The following MEGF6 variants were observed in gnomAD, a reference collection of about 807,000 sequenced individuals.
The protein encoded by MEGF6 is multiple epidermal growth factor-like domains protein 6.
In MEGF6, 184 loss-of-function variants were observed where a neutral mutation model predicts 207.1. The observed-to-expected ratio is 0.89, with a 90% CI of 0.79 to 1.00. The LOEUF (loss-of-function observed/expected upper bound fraction) is 1.00, where lower values mean the gene tolerates loss of function less well. MEGF6 is among the 50% of genes least tolerant of loss of function. The pLI is 0.00. For synonymous variants in MEGF6, 1,038 were observed against 910.0 expected (o/e 1.14, Z -2.53); for missense variants, 2,282 against 2,202.9 (o/e 1.04, Z -0.72).
chr1:3,585,509 TGTGA>T lies in MEGF6; in HGVS notation c.377-5584_377-5581del, dbSNP rs570190455. Among the ~76,000 whole-genome samples, 132 of 141,700 alleles carry T rather than the reference TGTGA, an allele frequency of 9.3e-4. 1 individual carries two copies. In the Middle Eastern group the frequency reaches 0.014, roughly 15 times the overall value. The allele number at this position is 141,700 out of a possible 152,430, so 93.0% of individuals were successfully genotyped here. On this transcript the variant is annotated intron_variant, in intron 3 of 36. Transcript: ENST00000356575. ...TGAGGACACTTGTCCTGTGTGTGGG[TGTGA>T]GTGACACATGTCCTGTTGTGGGTGT... is the stretch of plus-strand genomic sequence containing the variant.
rs546176815 is a variant in MEGF6 at position 3,576,353 on chromosome 1, A to G, written c.481+3472T>C. The stretch of plus-strand genomic sequence containing the variant: ...AGAGCTGGGGCTGTGGGCAGCAGGG[A>G]GGGCTCCTTCCCCCCACTGCCCTCC... On this transcript the variant is annotated intron_variant, in intron 4 of 36. Transcript: ENST00000356575. Among the ~76,000 whole-genome samples the G allele has an allele frequency of 2.5e-3, 382 of 152,290 alleles. 2 individuals carry two copies. The highest frequency in any genetic ancestry group is 4.1e-3 in the Non-Finnish European group (279 of 68,006).
chr1:3,544,283 G>A (rs1570103100), intron 4 of MEGF6, among the ~76,000 whole-genome samples: 1 of 152,046 alleles, frequency 6.6e-6, no homozygotes, highest in Non-Finnish European at 1.5e-5. Context: ...CAGCATCACA[G>A]CAGCCAGCCT....
intron 2 of MEGF6, among the ~76,000 whole-genome samples, 176 bp downstream of exon 2, chr1:3,602,290 C>T (rs1644172500): frequency 6.6e-6 from 1 of 152,234 alleles, no homozygotes; most frequent in Non-Finnish European, 1.5e-5. Flanking sequence ...AGCCCCATGG[C>T]AGACCCACCC....
At chr1:3,572,141 G>T (rs1643517918) in intron 4 of MEGF6, among the ~76,000 whole-genome samples, 1 of 140,172 alleles carries the variant, frequency 7.1e-6, no homozygotes, top group Non-Finnish European at 1.5e-5. Flanking sequence ...TCCCAGCTAT[G>T]CTGGGTTCTC....
At chr1:3,504,752 G>C (rs1352202872) in intron 17 of MEGF6, among the ~76,000 whole-genome samples, 1 of 152,086 alleles carries the variant, frequency 6.6e-6, no homozygotes, top group Non-Finnish European at 1.5e-5. Flanking sequence ...CACGTGCAGG[G>C]GCCTGCAGCC....
chr1:3,579,221 G>A (rs900983700), intron 4 of MEGF6, among the ~76,000 whole-genome samples: 1 of 152,332 alleles, frequency 6.6e-6, no homozygotes, highest in Non-Finnish European at 1.5e-5. Context: ...GAATCAGGAC[G>A]AGGCTCTGCC....
At chr1:3,554,257 T>A (rs1313124315) in intron 4 of MEGF6, among the ~76,000 whole-genome samples, 2 of 152,042 alleles carry the variant, frequency 1.3e-5, no homozygotes, top group Non-Finnish European at 2.9e-5. Flanking sequence ...GTTCCAACAC[T>A]GGGCTGGGAG....
chr1:3,584,141 C>T (rs536053222), intron 3 of MEGF6, among the ~76,000 whole-genome samples: 61 of 152,362 alleles, frequency 4.0e-4, no homozygotes, highest in African/African-American at 7.0e-4. Context: ...CGGCGCAGGA[C>T]GGCAGGTTTG....
chr1:3,564,726 T>C (rs1193860576), intron 4 of MEGF6, among the ~76,000 whole-genome samples: 1 of 152,104 alleles, frequency 6.6e-6, no homozygotes, highest in Admixed American at 6.5e-5. Flanking sequence ...CCCTCAGCCA[T>C]GCAACAGGGG....
At chr1:3,605,103 C>G (rs1412291736) in intron 1 of MEGF6, among the ~76,000 whole-genome samples, 1 of 151,486 alleles carries the variant, frequency 6.6e-6, no homozygotes, top group Non-Finnish European at 1.5e-5. Flanking sequence ...CACACTCAAT[C>G]ACACACATTC....
In MEGF6 at chr1:3,560,044, C is replaced by T. The variant is rs1643151877; in HGVS notation, c.481+19781G>A. Among the ~76,000 whole-genome samples, 1 of 146,942 alleles carries T rather than the reference C, an allele frequency of 6.8e-6. No homozygotes were observed. The highest frequency in any genetic ancestry group is 2.5e-5 in the African/African-American group (1 of 40,314). On this transcript the variant is annotated intron_variant, in intron 4 of 36. Coordinates refer to ENST00000356575, the MANE Select transcript of MEGF6 (RefSeq NM_001409.4). This position sits in a 1 kb window ranked among gnomAD's most constrained non-coding sequence, Gnocchi z 4.0. ...GAAAAAAAAAAAAAAAAAGGAAACA[C>T]GATGAGCCCATCTCCTGGGAGTCGG...
intron 4 of MEGF6, among the ~76,000 whole-genome samples, chr1:3,539,006 G>A (rs1219205698): frequency 1.3e-5 from 2 of 152,218 alleles, no homozygotes; most frequent in Non-Finnish European, 2.9e-5. Context: ...CCTGGAGGAG[G>A]TGGCACTCAG....
chr1:3,542,532 A>T (rs1292167900), intron 4 of MEGF6, among the ~76,000 whole-genome samples: 1 of 152,170 alleles, frequency 6.6e-6, no homozygotes. Context: ...AAGAGGAGGC[A>T]GAGGAAGGCA....
At chr1:3,566,511 A>C (rs1212750060) in intron 4 of MEGF6, among the ~76,000 whole-genome samples, 1 of 152,098 alleles carries the variant, frequency 6.6e-6, no homozygotes, top group Non-Finnish European at 1.5e-5. Context: ...GCTCTGGAAG[A>C]CCTGGGTGTT....
rs773490877 is a variant in MEGF6 at position 3,510,895 on chromosome 1, G to A, written c.1122C>T (p.Asp374=). ...DTDQRTCIDV[D]DCADSPCCQQ... ...GGCAGCACGGGCTGTCTGCACAGTC[G>A]TCGACATCTGTGGAGCACACGCCAC... The change falls in exon 10 of 37, where the codon GAC becomes GAT. Residue 374 remains aspartate, a synonymous_variant. Coordinates refer to ENST00000356575, the MANE Select transcript of MEGF6 (RefSeq NM_001409.4). The A allele has an allele frequency of 2.4e-5, 38 of 1,604,894 alleles. No individual in the cohort carries two copies. The Middle Eastern group carries it at 3.5e-3, about 147-fold the overall frequency.
chr1:3,559,428 AG>A (rs1444383671), intron 4 of MEGF6, among the ~76,000 whole-genome samples: 1 of 150,320 alleles, frequency 6.7e-6, no homozygotes, highest in Non-Finnish European at 1.5e-5. Flanking sequence ...AGGCTGAGAC[AG>A]GAGGATCATG....
chr1:3,512,629 A>C (rs1296978412), intron 7 of MEGF6, among the ~76,000 whole-genome samples: 1 of 152,010 alleles, frequency 6.6e-6, no homozygotes, highest in African/African-American at 2.4e-5. Context: ...TAAAAACGGG[A>C]GTTTCCCTGC....
At chr1:3,510,624 A>G (rs116650518) in intron 10 of MEGF6, among the ~76,000 whole-genome samples, 159 bp downstream of exon 10, 1,740 of 139,982 alleles carry the variant, frequency 0.012, 38 homozygotes, top group African/African-American at 0.046. Flanking sequence ...AGCCCTGCAC[A>G]CAGCAGGCGC....
intron 4 of MEGF6, among the ~76,000 whole-genome samples, chr1:3,578,384 C>T (rs912698551): frequency 4.6e-5 from 7 of 152,334 alleles, no homozygotes; most frequent in African/African-American, 9.6e-5. Flanking sequence ...AGAAGCCAAA[C>T]GTGACAGTGG....
Sources: gnomAD v4.1 joint callset for allele counts (sites outside exome capture counted in the v4.1 genomes callset) on GRCh38, gnomAD v4.1.1 for gene constraint, Gnocchi (gnomAD v3.1) non-coding constraint, MANE v1.5 for transcripts, NCBI Gene and HGNC (gene_info 2026-07-23, HGNC 2026-07-21) for gene names.